The following DMD variants were observed in gnomAD, a reference collection of about 807,000 sequenced individuals.
DMD encodes mutant dystrophin.
Under a neutral mutation model 330.1 loss-of-function variants are expected in DMD, and 63 were observed. That is an observed-to-expected ratio of 0.19 (90% CI 0.16 to 0.24). The LOEUF (loss-of-function observed/expected upper bound fraction) is 0.24. Among genes scored for constraint, DMD ranks in the 10% least tolerant of loss-of-function variants. The pLI is 1.00. For missense variants in DMD, 3,344 were observed against 2,684.1 expected (o/e 1.25, Z -5.43); for synonymous variants, 1,223 against 959.8 (o/e 1.27, Z -5.07).
intron 1 of DMD, among the ~76,000 whole-genome samples, chrX:33,069,970 A>G (rs1276779482): frequency 8.9e-6 from 1 of 111,774 alleles, no homozygotes; most frequent in Non-Finnish European, 1.9e-5. Context: ...CATATCAACA[A>G]TCTTGTGGAT....
At chrX:32,809,919 CAAAAAAAAAAAAAAAAAA>C (rs55898363) in intron 6 of DMD, among the ~76,000 whole-genome samples, 2 of 28,660 alleles carry the variant, frequency 7.0e-5, no homozygotes, top group Admixed American at 1.3e-3. Flanking sequence ...TTGTTTCTAC[CAAAAAAAAAAAAAAAAAA>C]AAAAAAAAAG....
intron 52 of DMD, among the ~76,000 whole-genome samples, chrX:31,692,382 C>T (rs940289769): frequency 4.5e-5 from 5 of 110,488 alleles, no homozygotes; most frequent in Admixed American, 1.9e-4. Context: ...ATGAATTAAG[C>T]CCAAAGTTAG....
At chrX:33,228,278 AGTGTGTGTGTGTGTGTGTGT>A (rs60369848) in intron 1 of DMD, among the ~76,000 whole-genome samples, 1 of 93,473 alleles carries the variant, frequency 1.1e-5, no homozygotes, top group Admixed American at 1.2e-4. Context: ...CCCAAGTTTA[AGTGTGTGTGTGTGTGTGTGT>A]GTGTGTGTGT....
chrX:32,814,540 A>G (rs1405315916), intron 6 of DMD, among the ~76,000 whole-genome samples: 1 of 112,151 alleles, frequency 8.9e-6, no homozygotes, highest in Non-Finnish European at 1.9e-5. Context: ...TGCCAAATAC[A>G]AAAAGAAGGG....
chrX:32,031,898 G>A (rs11795726), intron 44 of DMD, among the ~76,000 whole-genome samples: 2 of 110,591 alleles, frequency 1.8e-5, no homozygotes, highest in Non-Finnish European at 1.9e-5. Context: ...TCACTAAAAG[G>A]TCTTTGTACA....
intron 1 of DMD, among the ~76,000 whole-genome samples, chrX:33,157,664 A>G (rs1322295110): frequency 8.9e-6 from 1 of 112,422 alleles, no homozygotes; most frequent in Non-Finnish European, 1.9e-5. Context: ...AGCTGGTAAA[A>G]GTAAAGTAGG....
chrX:33,311,410 C>T (rs2053848314), intron 1 of DMD, among the ~76,000 whole-genome samples: 1 of 109,754 alleles, frequency 9.1e-6, no homozygotes, highest in Admixed American at 9.8e-5. Context: ...AGTTAAGGTA[C>T]TAAAGTAGGG....
At chrX:32,579,388 G>A (rs753451327) in intron 13 of DMD, among the ~76,000 whole-genome samples, 5 of 112,215 alleles carry the variant, frequency 4.5e-5, no homozygotes, top group East Asian at 5.6e-4. Flanking sequence ...GAAACTGACA[G>A]ATAGGTTAAG....
At chrX:31,904,070 C>T (rs931116636) in intron 47 of DMD, among the ~76,000 whole-genome samples, 1 of 111,447 alleles carries the variant, frequency 9.0e-6, no homozygotes, top group African/African-American at 3.3e-5. Flanking sequence ...TCAGTGGTTG[C>T]AGCCTTATAC....
At chrX:31,999,290 A>G (rs1005987117) in intron 44 of DMD, among the ~76,000 whole-genome samples, 1 of 112,129 alleles carries the variant, frequency 8.9e-6, no homozygotes, top group Admixed American at 9.4e-5. Flanking sequence ...TACCCAACGT[A>G]CAGTTGAAAA....
intron 1 of DMD, among the ~76,000 whole-genome samples, chrX:33,043,685 C>CT (rs746373500): frequency 1.8e-5 from 2 of 111,412 alleles, no homozygotes; most frequent in South Asian, 3.8e-4. Flanking sequence ...ACAATCAACT[C>CT]TTTTTTTTAT....
intron 53 of DMD, among the ~76,000 whole-genome samples, chrX:31,674,289 T>C (rs745431462): frequency 2.8e-4 from 31 of 112,384 alleles, no homozygotes; most frequent in African/African-American, 9.4e-4. Context: ...AGTAAAATAA[T>C]TTGAGACACT....
At chrX:32,356,488 A>G (rs1408490021) in intron 37 of DMD, among the ~76,000 whole-genome samples, 2 of 110,221 alleles carry the variant, frequency 1.8e-5, no homozygotes, top group Non-Finnish European at 3.8e-5. Context: ...CTCATATTAC[A>G]GTTGTAATAC....
chrX:33,265,819 C>T (rs769928503), intron 1 of DMD, among the ~76,000 whole-genome samples: 4 of 111,751 alleles, frequency 3.6e-5, no homozygotes, highest in East Asian at 2.8e-4. Flanking sequence ...TTATCAGCAA[C>T]ATAGCTTTCA....
chrX:32,424,396 T>C (rs68068366), intron 29 of DMD, among the ~76,000 whole-genome samples: 3,300 of 111,371 alleles, frequency 0.03, 122 homozygotes, highest in African/African-American at 0.092. Context: ...TTTCTAAATA[T>C]TAAAGCATTT....
chrX:32,455,089 G>C (rs1158671445), intron 25 of DMD, among the ~76,000 whole-genome samples: 2 of 110,973 alleles, frequency 1.8e-5, no homozygotes, highest in African/African-American at 6.5e-5. Context: ...TCAGCTGTTT[G>C]TGTGACAATG....
chrX:32,897,670 T>C (rs1292162421), intron 2 of DMD, among the ~76,000 whole-genome samples: 1 of 112,635 alleles, frequency 8.9e-6, no homozygotes, highest in African/African-American at 3.2e-5. Flanking sequence ...GGATTTTGTA[T>C]TCATTTTTTC....
chrX:31,709,610 G>A (rs1476683754), intron 52 of DMD, among the ~76,000 whole-genome samples: 4 of 108,781 alleles, frequency 3.7e-5, no homozygotes, highest in African/African-American at 1.3e-4. Flanking sequence ...GTGTGTGTGT[G>A]TGTGTGGTGT....
intron 11 of DMD, among the ~76,000 whole-genome samples, chrX:32,630,338 T>C (rs750717612): frequency 7.2e-5 from 8 of 111,228 alleles, no homozygotes; most frequent in Non-Finnish European, 1.3e-4. Context: ...TTTTTTTATA[T>C]GATTACCGCT....
Sources: gnomAD v4.1 joint callset for allele counts (sites outside exome capture counted in the v4.1 genomes callset) on GRCh38, gnomAD v4.1.1 for gene constraint, MANE v1.5 for transcripts, NCBI Gene and HGNC (gene_info 2026-07-23, HGNC 2026-07-21) for gene names.